Variants in SNTB2 observed in about 807,000 individuals in gnomAD.
SNTB2 encodes the protein syntrophin beta 2.
In SNTB2, 34 loss-of-function variants were observed where a neutral mutation model predicts 46.2. The ratio of observed to expected loss-of-function variants is 0.74; its 90% CI spans 0.56 to 0.98. SNTB2 has a LOEUF of 0.98. Ranked by LOEUF, SNTB2 falls within the 50% of genes least tolerant of loss-of-function variation. The probability of loss-of-function intolerance (pLI) is 0.00; values close to 1 mark genes in which losing one functional copy is unlikely to be tolerated. For missense variants in SNTB2, 603 were observed against 731.4 expected (o/e 0.82, Z 2.02); for synonymous variants, 290 against 312.6 (o/e 0.93, Z 0.76).
chr16:69,212,333 T>TATTC (rs1444586249), intron 1 of SNTB2, among the ~76,000 whole-genome samples: 54 of 144,760 alleles, frequency 3.7e-4, no homozygotes, highest in Non-Finnish European at 7.4e-4. Flanking sequence ...TGTTTGTATT[T>TATTC]ATTTATTTAT....
chr16:69,269,678 C>T (rs1461720984), intron 3 of SNTB2, among the ~76,000 whole-genome samples: 1 of 152,110 alleles, frequency 6.6e-6, no homozygotes, highest in Non-Finnish European at 1.5e-5. Flanking sequence ...TTAGATTATA[C>T]ATACTTATTT....
intron 1 of SNTB2, among the ~76,000 whole-genome samples, chr16:69,193,455 A>G (rs1228108160): frequency 2.0e-5 from 3 of 150,112 alleles, no homozygotes; most frequent in Non-Finnish European, 3.0e-5. Context: ...CGGCCTCCCA[A>G]GTAGCTTGGA....
At chr16:69,274,894 C>G (rs1364065430) in intron 4 of SNTB2, among the ~76,000 whole-genome samples, 2 of 152,148 alleles carry the variant, frequency 1.3e-5, no homozygotes, top group Admixed American at 1.3e-4. Context: ...TTCAAACATG[C>G]TCATACATGC....
chr16:69,291,426 A>G (rs1252718707), intron 5 of SNTB2, among the ~76,000 whole-genome samples: 1 of 152,182 alleles, frequency 6.6e-6, no homozygotes, highest in Non-Finnish European at 1.5e-5. Context: ...AAAAACACAT[A>G]GTTGGCCCAG....
rs1038435513 is a variant in SNTB2 at position 69,306,823 on chromosome 16, G to C, written c.*5899G>C. ...ATGGTGGTGCGCGCCTGTGGTCCCA[G>C]CTACTCGGGAGGCTGAGGTGGGAGA... On this transcript the variant is annotated 3_prime_UTR_variant, in exon 7 of 7. Transcript: ENST00000336278. 3 of 152,348 alleles carry C rather than the reference G, an allele frequency of 2.0e-5. No homozygotes were observed. The highest frequency in any genetic ancestry group is 4.4e-5 in the Non-Finnish European group (3 of 68,184). The allele number at this position is 152,348 out of a possible 1,614,324, so 9.4% of individuals were successfully genotyped here.
intron 3 of SNTB2, among the ~76,000 whole-genome samples, chr16:69,264,686 C>A (rs1358971334): frequency 6.6e-6 from 1 of 151,880 alleles, no homozygotes; most frequent in Non-Finnish European, 1.5e-5. Flanking sequence ...AGTACGTGAA[C>A]CTCCAAAGAA....
intron 1 of SNTB2, among the ~76,000 whole-genome samples, chr16:69,200,209 T>C (rs1015834215): frequency 1.3e-5 from 2 of 152,242 alleles, no homozygotes; most frequent in Admixed American, 6.5e-5. Flanking sequence ...AATATACTTA[T>C]TTGTGTTGGC....
chr16:69,272,281 C>T (rs545820915), intron 4 of SNTB2, among the ~76,000 whole-genome samples: 1 of 151,550 alleles, frequency 6.6e-6, no homozygotes, highest in Admixed American at 6.6e-5. Flanking sequence ...TGGCTTACAT[C>T]TGTAATCCTA....
rs755510029 is a variant in SNTB2 at position 69,299,696 on chromosome 16, C to G, written c.1452C>G (p.Pro484=). 14 of 1,614,152 alleles carry G rather than the reference C, an allele frequency of 8.7e-6. No homozygotes were observed. In the East Asian group the frequency reaches 1.8e-4, roughly 21 times the overall value. The change falls in exon 6 of 7, where the codon CCC becomes CCG. Residue 484 remains proline, a synonymous_variant. Transcript: ENST00000336278. ...GGSSSILYRY[P]FERLKMSADD... is the part of the protein sequence containing the mutation. Reference sequence around the variant, plus strand: ...CCAGCAGCATATTGTACCGCTACCCCTTTGAAAGGCTGAAGATGTCTGCTG... The same window carrying G: ...CCAGCAGCATATTGTACCGCTACCCGTTTGAAAGGCTGAAGATGTCTGCTG...
At chr16:69,300,530 G>A (rs899327961) in intron 6 of SNTB2, among the ~76,000 whole-genome samples, 4 of 152,182 alleles carry the variant, frequency 2.6e-5, no homozygotes, top group Non-Finnish European at 4.4e-5. Flanking sequence ...GATTATGGGC[G>A]TGAGCCACCG....
intron 1 of SNTB2, among the ~76,000 whole-genome samples, chr16:69,193,736 C>T (rs1196929345): frequency 6.6e-6 from 1 of 152,004 alleles, no homozygotes; most frequent in African/African-American, 2.4e-5. Context: ...ACACAGAAAC[C>T]CATTTAAACT....
At chr16:69,280,183 GTCACCGA>G (rs1965026178) in intron 4 of SNTB2, among the ~76,000 whole-genome samples, 2 of 152,200 alleles carry the variant, frequency 1.3e-5, no homozygotes, top group South Asian at 2.1e-4. Context: ...TGGGGGTAAG[GTCACCGA>G]TCAACAGGAT....
chr16:69,196,914 T>A (rs1304747214), intron 1 of SNTB2, among the ~76,000 whole-genome samples: 1 of 152,206 alleles, frequency 6.6e-6, no homozygotes, highest in Non-Finnish European at 1.5e-5. Context: ...AAGACAGGAT[T>A]TATTGTTATG....
intron 3 of SNTB2, among the ~76,000 whole-genome samples, chr16:69,265,042 G>A (rs1031955342): frequency 6.6e-6 from 1 of 152,170 alleles, no homozygotes; most frequent in African/African-American, 2.4e-5. Flanking sequence ...AAGGTCGGGA[G>A]ATCAAGACCA....
At position 69,301,034 on chromosome 16, in the gene SNTB2, C is replaced by A; in HGVS notation, c.*110C>A. The A allele has an allele frequency of 1.5e-6, 1 of 659,172 alleles. No individual in the cohort carries two copies. The highest frequency in any genetic ancestry group is 2.7e-6 in the Non-Finnish European group (1 of 373,234). 40.8% of individuals were successfully genotyped at this position (659,172 alleles called of 1,614,324 possible). ...GCTCTCCTTCAGCACAGTGCCTTCC[C>A]AAGGACCTGCAAATAACTGCTGAAC... On this transcript the variant is annotated 3_prime_UTR_variant, in exon 7 of 7. Coordinates refer to ENST00000336278, the MANE Select transcript of SNTB2 (RefSeq NM_006750.4).
chr16:69,187,681 G>C lies in SNTB2; in HGVS notation c.515G>C (p.Arg172Pro). Residue 172 changes from arginine to proline, a missense_variant, in exon 1 of 7, where the codon CGC (arginine) becomes CCC (proline). Physicochemically the swap from Arg to Pro is moderately radical, Grantham distance 103. Transcript: ENST00000336278. ...CTGTCGGTGAACGGCACCGACCTGC[G>C]CCAGGCCACCCACGACCAGGCCGTG... is the stretch of plus-strand genomic sequence containing the variant. ...AILSVNGTDL[R>P]QATHDQAVQA... is the part of the protein sequence containing the mutation. The C allele has an allele frequency of 6.8e-7, 1 of 1,463,558 alleles. No individual in the cohort carries two copies. The allele number at this position is 1,463,558 out of a possible 1,614,324, so 90.7% of individuals were successfully genotyped here.
chr16:69,228,967 T>G (rs1453949407), intron 1 of SNTB2, among the ~76,000 whole-genome samples: 3 of 152,178 alleles, frequency 2.0e-5, no homozygotes, highest in Non-Finnish European at 4.4e-5. Flanking sequence ...TTAATGATTT[T>G]ACAAAAAATA....
rs1964553791 is a variant in SNTB2 at position 69,235,765 on chromosome 16, TTCTG to T, written c.581-9832_581-9829del. 3 of 1,289,306 alleles carry T rather than the reference TTCTG, an allele frequency of 2.3e-6. 1 individual carries two copies. In the South Asian group the frequency reaches 3.7e-5, roughly 16 times the overall value. 79.9% of individuals were successfully genotyped at this position (1,289,306 alleles called of 1,614,324 possible). A position where few individuals can be genotyped will look rare whatever the true frequency, so the allele number is the denominator to read the frequency against. ...GCTTTCAGGCCTATAATGAGGAAATTTCTGTCTGACCAATATCAGGGGCACATCA... is the reference window on the plus strand; with the variant it reads ...GCTTTCAGGCCTATAATGAGGAAATTTCTGACCAATATCAGGGGCACATCA... On this transcript the variant is annotated intron_variant, in intron 1 of 6. Coordinates refer to ENST00000336278, the MANE Select transcript of SNTB2 (RefSeq NM_006750.4).
chr16:69,187,773 G>GGGGGGGGGGGGGGGGGGCC, intron 1 of SNTB2, 27 bp downstream of exon 1: 9 of 331,848 alleles, frequency 2.7e-5, no homozygotes, highest in Non-Finnish European at 4.4e-5. Flanking sequence ...GGGAGGGTGG[G>GGGGGGGGGGGGGGGGGGCC]CAGGCCGCGG....
Sources: gnomAD v4.1 joint callset for allele counts (sites outside exome capture counted in the v4.1 genomes callset) on GRCh38, gnomAD v4.1.1 for gene constraint, MANE v1.5 for transcripts, NCBI Gene and HGNC (gene_info 2026-07-23, HGNC 2026-07-21) for gene names.